The following PTCH2 variants were observed in gnomAD, a reference collection of about 807,000 sequenced individuals.
The protein encoded by PTCH2 is protein patched homolog 2.
In PTCH2, 96 loss-of-function variants were observed where a neutral mutation model predicts 117.9. That is an observed-to-expected ratio of 0.81 (90% CI 0.69 to 0.96). PTCH2 has a LOEUF of 0.96. Among genes scored for constraint, PTCH2 ranks in the 50% least tolerant of loss-of-function variants. PTCH2 has a pLI of 0.00. For missense variants in PTCH2, 1,379 were observed against 1,562.5 expected (o/e 0.88, Z 1.98); for synonymous variants, 615 against 660.9 (o/e 0.93, Z 1.06).
chr1:44,823,484 T>G lies in PTCH2; in HGVS notation c.3115-99A>C. ...CTGTCTTCAGAGCTCAACGATACCT[T>G]GGCCCACCAAAGGCTGGGTGAACTA... is the stretch of plus-strand genomic sequence containing the variant. On this transcript the variant is annotated intron_variant, in intron 19 of 21. Transcript: ENST00000372192. The surrounding 1 kb of genome is among the most constrained non-coding windows in gnomAD (Gnocchi z 5.1). 3.2e-6 allele frequency: 5 copies of G among 1,549,182 alleles called. No individual in the cohort carries two copies. The highest frequency in any genetic ancestry group is 4.4e-6 in the Non-Finnish European group (5 of 1,128,910).
Position 44,829,093 on chromosome 1 carries a change from G to A in PTCH2, c.1372-19C>T, listed in dbSNP as rs372260495. ...GCAGCACCTGGAGGGGCAGAGGAGCGGGCAGCTGAGGACCCGTGAAGCCTG... is the reference window on the plus strand; with the variant it reads ...GCAGCACCTGGAGGGGCAGAGGAGCAGGCAGCTGAGGACCCGTGAAGCCTG... On this transcript the variant is annotated intron_variant, in intron 10 of 21. Coordinates refer to ENST00000372192, the MANE Select transcript of PTCH2 (RefSeq NM_003738.5). The A allele has an allele frequency of 2.1e-5, 34 of 1,613,236 alleles. No individual in the cohort carries two copies. The highest frequency in any genetic ancestry group is 2.0e-4 in the African/African-American group (15 of 75,050).
rs2148875920 is a variant in PTCH2, at chr1:44,828,040, C to A, written c.1861G>T (p.Ala621Ser). 6.2e-7 allele frequency: 1 copy of A among 1,614,134 alleles called. No homozygotes were observed. The highest frequency in any genetic ancestry group is 8.5e-7 in the Non-Finnish European group (1 of 1,180,026). The part of the protein sequence containing the change: ...QHVVTILPPQ[A>S]HLVPPPSDPL... ...TCAGAAGGTGGGGGCACCAGGTGGG[C>A]TTGGGGAGGCAGGATGGTGACCACA... Residue 621 changes from alanine (A) to serine (S), a missense_variant, in exon 14 of 22, where the codon GCC becomes TCC. Ala to Ser is a moderately conservative substitution (Grantham distance 99). Transcript: ENST00000372192.
chr1:44,837,506 T>A (rs1653739587), intron 2 of PTCH2, among the ~76,000 whole-genome samples: 1 of 152,088 alleles, frequency 6.6e-6, no homozygotes, highest in Admixed American at 6.6e-5. Flanking sequence ...CACCCCACCC[T>A]GGACTCCCAA....
Position 44,832,330 on chromosome 1 carries a change from C to T in PTCH2, c.277G>A (p.Val93Met), listed in dbSNP as rs145784624. The T allele has an allele frequency of 1.8e-5, 29 of 1,614,022 alleles. No individual in the cohort carries two copies. The highest frequency in any genetic ancestry group is 2.4e-5 in the Non-Finnish European group (28 of 1,180,052). The change falls in exon 3 of 22, where the codon GTG (valine) becomes ATG (methionine). Residue 93 changes from valine to methionine, a missense_variant. Transcript: ENST00000372192. ...TTGGTGTAATGCAGCTCCTGGCTCA[C>T]CCGGCTGCCCACTGCCAGAGCAAAC... is the stretch of plus-strand genomic sequence containing the variant. Reference protein sequence around the residue: ...EQLWVEVGSRVSQELHYTKEK... With the variant: ...EQLWVEVGSRMSQELHYTKEK...
intron 2 of PTCH2, among the ~76,000 whole-genome samples, chr1:44,838,145 G>C (rs911982684): frequency 2.0e-5 from 3 of 152,052 alleles, no homozygotes; most frequent in Non-Finnish European, 2.9e-5. Context: ...GGATTTAATA[G>C]TTTAGTAAAC....
rs111452728 is a variant in PTCH2 at position 44,829,989 on chromosome 1, G to A, written c.855C>T (p.Gly285=). The change falls in exon 7 of 22, where the codon GGC becomes GGT. Residue 285 remains glycine, a synonymous_variant. Coordinates refer to ENST00000372192, the MANE Select transcript of PTCH2 (RefSeq NM_003738.5). ...VAHELSGGCH[G]FSHKFMHWQE... Reference sequence around the variant, plus strand: ...GCCAGTGCATGAATTTGTGGGAGAAGCCATGGCAGCCCCCACTCAGCTCGT... The same window carrying A: ...GCCAGTGCATGAATTTGTGGGAGAAACCATGGCAGCCCCCACTCAGCTCGT... The A allele has an allele frequency of 5.0e-6, 8 of 1,614,200 alleles. No individual in the cohort carries two copies. The highest frequency in any genetic ancestry group is 4.0e-5 in the African/African-American group (3 of 75,058).
At chr1:44,835,541 C>T (rs1315848222) in intron 2 of PTCH2, among the ~76,000 whole-genome samples, 1 of 152,092 alleles carries the variant, frequency 6.6e-6, no homozygotes, top group Non-Finnish European at 1.5e-5. Flanking sequence ...TCTAACCCAC[C>T]ATGAGAGTGT....
rs1436891986 is a variant in PTCH2, at chr1:44,831,740, C to A, written c.583G>T (p.Gly195Ter). Reference protein sequence around the residue: ...ILTPLDCFWEGAKLQGGSAYL... With the variant: ...ILTPLDCFWE The stretch of plus-strand genomic sequence containing the variant: ...GCGGAGCCCCCTTGGAGTTTGGCTC[C>A]CTCCCAGAAGCAGTCGAGGGGGGTG... Residue 195 changes from glycine to a stop codon, truncating the protein, a stop_gained, in exon 5 of 22, where the codon GGA becomes TGA. Coordinates refer to ENST00000372192, the MANE Select transcript of PTCH2 (RefSeq NM_003738.5). LOFTEE classifies it high-confidence loss of function. This position sits in a 1 kb window ranked among gnomAD's most constrained non-coding sequence, Gnocchi z 4.3. 1.9e-6 allele frequency: 3 copies of A among 1,573,818 alleles called. No individual in the cohort carries two copies. In the African/African-American group the frequency reaches 4.1e-5, roughly 21 times the overall value.
chr1:44,828,656 C>T, intron 11 of PTCH2, 25 bp from the exon 12 acceptor site: 1 of 1,607,166 alleles, frequency 6.2e-7, no homozygotes, highest in South Asian at 1.1e-5. Flanking sequence ...TGGGGACCTG[C>T]CCTCAGGTCA....
In PTCH2 at chr1:44,829,636, G is replaced by C. The variant is rs774631883; in HGVS notation, c.1061C>G (p.Ala354Gly). 1.2e-6 allele frequency: 2 copies of C among 1,614,218 alleles called. No homozygotes were observed. The change falls in exon 8 of 22, where the codon GCC becomes GGC. Residue 354 changes from alanine to glycine, a missense_variant. Coordinates refer to ENST00000372192, the MANE Select transcript of PTCH2 (RefSeq NM_003738.5). ...SEEQASTVLQ[A>G]WQRRFVQLAQ... ...GACCTGCACAAAGCGCCGCTGCCAG[G>C]CTTGTAGCACTGTGCTGGCCTGCTC...
Position 44,821,996 on chromosome 1 carries a change from A to T in PTCH2, c.*419T>A, listed in dbSNP as rs775276887. ...AAATAAAACTTTCATCATAGCTAAC[A>T]TGTATGTATACTACAAAAATAGACA... On this transcript the variant is annotated 3_prime_UTR_variant, in exon 22 of 22. Coordinates refer to ENST00000372192, the MANE Select transcript of PTCH2 (RefSeq NM_003738.5). 11 of 1,314,244 alleles carry T rather than the reference A, an allele frequency of 8.4e-6. No individual in the cohort carries two copies. Among genetic ancestry groups the T allele is most frequent in the Non-Finnish European group, 1.1e-5 (11 of 1,000,950 alleles). 81.4% of individuals were successfully genotyped at this position (1,314,244 alleles called of 1,614,324 possible).
chr1:44,822,202 A>C lies in PTCH2; in HGVS notation c.*213T>G. ...GCCCCAAGTGCCAGCTTTCACTCTC[A>C]AGTGACACAGATACAGGCTCACACA... is the stretch of plus-strand genomic sequence containing the variant. On this transcript the variant is annotated 3_prime_UTR_variant, in exon 22 of 22. Transcript: ENST00000372192. 1 of 1,445,108 alleles carries C rather than the reference A, an allele frequency of 6.9e-7. No homozygotes were observed. The highest frequency in any genetic ancestry group is 9.0e-7 in the Non-Finnish European group (1 of 1,105,184). 89.5% of individuals were successfully genotyped at this position (1,445,108 alleles called of 1,614,324 possible).
At chr1:44,842,112 A>G (rs1653973398) in intron 1 of PTCH2, 73 bp from the exon 2 acceptor site, 9 of 1,407,508 alleles carry the variant, frequency 6.4e-6, no homozygotes, top group African/African-American at 2.8e-5. Context: ...CTCACCCTGT[A>G]TATCTGCTGC....
In PTCH2 at chr1:44,827,950, C is replaced by T. The variant is rs866056830; in HGVS notation, c.1951G>A (p.Glu651Lys). The stretch of plus-strand genomic sequence containing the variant: ...TTGCAGGCTGCCTTCTGCCTTGTCT[C>T]CTCCTCCTGGCCTAGAAGGTCCCGT... ...STRDLLGQEE[E>K]TRQKAACKSL... Residue 651 changes from glutamate to lysine, a missense_variant, in exon 14 of 22, where the codon GAG becomes AAG. Transcript: ENST00000372192. The T allele has an allele frequency of 5.6e-6, 9 of 1,614,080 alleles. No individual in the cohort carries two copies. The African/African-American group carries it at 8.0e-5, about 14-fold the overall frequency.
In PTCH2 at chr1:44,822,491, T is replaced by G. The variant is rs2148871049; in HGVS notation, c.3536A>C (p.Asp1179Ala). The change falls in exon 22 of 22, where the codon GAT (aspartate) becomes GCT (alanine). Residue 1179 changes from aspartate (D) to alanine (A), a missense_variant. Coordinates refer to ENST00000372192, the MANE Select transcript of PTCH2 (RefSeq NM_003738.5). ...LPGAYIHPAP[D>A]EPPWSPAATS... The stretch of plus-strand genomic sequence containing the variant: ...GGCAGCAGGGGACCAAGGGGGCTCA[T>G]CAGGGGCTGGATGGATGTAGGCACC... 2 of 1,613,804 alleles carry G rather than the reference T, an allele frequency of 1.2e-6. No individual in the cohort carries two copies. The highest frequency in any genetic ancestry group is 1.7e-6 in the Non-Finnish European group (2 of 1,179,840).
At chr1:44,839,361 CAAAAAA>C in intron 2 of PTCH2, among the ~76,000 whole-genome samples, 2 of 75,638 alleles carry the variant, frequency 2.6e-5, no homozygotes, top group Non-Finnish European at 5.2e-5. Context: ...GACTTACTCT[CAAAAAA>C]AAAAAAAAAA....
In PTCH2 at chr1:44,843,008, G is replaced by A. The variant is rs1654022945; in HGVS notation, c.-76C>T. On this transcript the variant is annotated 5_prime_UTR_variant, in exon 1 of 22. Coordinates refer to ENST00000372192, the MANE Select transcript of PTCH2 (RefSeq NM_003738.5). ...CTCCCATAGGCTAGCCCGGTCTCCC[G>A]GTACCGCTGGGCCCCGCGTAGGGAT... The A allele has an allele frequency of 1.4e-6, 2 of 1,454,850 alleles. No individual in the cohort carries two copies. The highest frequency in any genetic ancestry group is 1.8e-6 in the Non-Finnish European group (2 of 1,107,884). The allele number at this position is 1,454,850 out of a possible 1,614,324, so 90.1% of individuals were successfully genotyped here.
chr1:44,826,245 C>T lies in PTCH2; in HGVS notation c.3114+5G>A, dbSNP rs2148873672. The T allele has an allele frequency of 6.2e-7, 1 of 1,613,896 alleles. No individual in the cohort carries two copies. Among genetic ancestry groups the T allele is most frequent in the Non-Finnish European group, 8.5e-7 (1 of 1,179,966 alleles). On this transcript the variant is annotated splice_donor_5th_base_variant and intron_variant, in intron 19 of 21. Coordinates refer to ENST00000372192, the MANE Select transcript of PTCH2 (RefSeq NM_003738.5). This position sits in a 1 kb window ranked among gnomAD's most constrained non-coding sequence, Gnocchi z 5.1. ...TTGGTCCCTCCCCGGGGTGCCCGTGCTCACCAGAGCCACGTGGACTGTGAA... is the reference window on the plus strand; with the variant it reads ...TTGGTCCCTCCCCGGGGTGCCCGTGTTCACCAGAGCCACGTGGACTGTGAA...
In PTCH2 at chr1:44,823,185, G is replaced by T; in HGVS notation, c.3258-17C>A. On this transcript the variant is annotated splice_polypyrimidine_tract_variant and intron_variant, in intron 20 of 21. Transcript: ENST00000372192. This position sits in a 1 kb window ranked among gnomAD's most constrained non-coding sequence, Gnocchi z 5.1. ...AAGAAGTACCTAGGGGTAGGGTGTG[G>T]GGGGAGTCAGCCCAGGCCTGTCCTG... 1 of 1,614,122 alleles carries T rather than the reference G, an allele frequency of 6.2e-7. No homozygotes were observed. The highest frequency in any genetic ancestry group is 8.5e-7 in the Non-Finnish European group (1 of 1,179,996).
Sources: allele counts gnomAD v4.1 joint callset (sites outside exome capture counted in the v4.1 genomes callset), GRCh38; gene constraint gnomAD v4.1.1; non-coding constraint Gnocchi (gnomAD v3.1); transcripts MANE v1.5; gene names NCBI Gene and HGNC (gene_info 2026-07-23, HGNC 2026-07-21).